The following CD83 variants were observed in gnomAD, a reference collection of about 807,000 sequenced individuals.
The protein encoded by CD83 is CD83 antigen.
A neutral mutation model predicts 24.6 loss-of-function variants in CD83; 22 were observed. The observed-to-expected ratio is 0.90, with a 90% CI of 0.64 to 1.28. The LOEUF (loss-of-function observed/expected upper bound fraction) is 1.28. Among genes scored for constraint, CD83 ranks in the 50% most tolerant of loss-of-function variants. CD83 has a pLI of 0.00. For synonymous variants in CD83, 101 were observed against 103.5 expected, an observed-to-expected ratio of 0.98 and a Z score of 0.14; for missense variants, 253 against 252.8, an observed-to-expected ratio of 1.00 and a Z score of -0.01.
intron 4 of CD83, 111 bp from the exon 5 acceptor site, chr6:14,134,997 G>T: frequency 9.6e-7 from 1 of 1,041,894 alleles, no homozygotes; most frequent in Non-Finnish European, 1.4e-6. Flanking sequence ...GAGTATGAGA[G>T]CTTCCAGAAT....
In CD83 at chr6:14,131,706, G is replaced by T. The variant is rs752909995; in HGVS notation, c.340G>T (p.Gly114Trp). 3.7e-6 allele frequency: 6 copies of T among 1,614,008 alleles called. No individual in the cohort carries two copies. The highest frequency in any genetic ancestry group is 1.7e-5 in the Admixed American group (1 of 60,010). ...CAGGTGCACTCTGCAGGACCCGGAT[G>T]GGCAGAGAAACCTAAGTGGCAAGGT... Reference protein sequence around the residue: ...TYRCTLQDPDGQRNLSGKVIL... With the variant: ...TYRCTLQDPDWQRNLSGKVIL... The change falls in exon 3 of 5, where the codon GGG (glycine) becomes TGG (tryptophan). Residue 114 changes from glycine (G) to tryptophan (W), a missense_variant. Transcript: ENST00000379153.
At position 14,131,574 on chromosome 6, in the gene CD83, G is replaced by T. The variant is rs1757901128; in HGVS notation, c.208G>T (p.Gly70Ter). The T allele has an allele frequency of 1.2e-6, 2 of 1,614,022 alleles. No homozygotes were observed. The highest frequency in any genetic ancestry group is 1.7e-6 in the Non-Finnish European group (2 of 1,180,026). ...GACACCCCAGGAAGACCACCTCAGG[G>T]GACAGCACTATCATCAGAAGGGGCA... ...METPQEDHLR[G>*]QHYHQKGQNG... Residue 70 changes from glycine to a stop codon, truncating the protein, a stop_gained, in exon 3 of 5, where the codon GGA (glycine) becomes TGA (stop). Transcript: ENST00000379153. LOFTEE classifies it high-confidence loss of function.
chr6:14,120,744 C>T lies in CD83; in HGVS notation c.153+2679C>T, dbSNP rs543887361. ...CCTCCGGCACCATGTAGCATCTTGC[C>T]TTTGTCCATTTGGCACTGATACTTG... On this transcript the variant is annotated intron_variant, in intron 2 of 4. Transcript: ENST00000379153. Among the ~76,000 whole-genome samples the T allele has an allele frequency of 5.3e-5, 8 of 152,344 alleles. No homozygotes were observed. The East Asian group carries it at 1.5e-3, about 29-fold the overall frequency.
At chr6:14,120,027 C>T (rs1759634979) in intron 2 of CD83, among the ~76,000 whole-genome samples, 2 of 152,180 alleles carry the variant, frequency 1.3e-5, no homozygotes, top group Non-Finnish European at 2.9e-5. Flanking sequence ...GATTTACCCC[C>T]AAGGTCTTTG....
intron 2 of CD83, among the ~76,000 whole-genome samples, chr6:14,130,739 G>GA (rs1028042269): frequency 2.0e-5 from 3 of 151,896 alleles, no homozygotes; most frequent in Admixed American, 6.6e-5. Context: ...TCTCAAAAAA[G>GA]AAAAAAAGAA....
rs1171715209 is a variant in CD83, at chr6:14,131,713, G to A, written c.347G>A (p.Arg116Lys). Residue 116 changes from arginine to lysine, a missense_variant, in exon 3 of 5, where the codon AGA becomes AAA. Transcript: ENST00000379153. ...ACTCTGCAGGACCCGGATGGGCAGA[G>A]AAACCTAAGTGGCAAGGTGATCTTG... ...RCTLQDPDGQ[R>K]NLSGKVILRV... is the part of the protein sequence containing the mutation. 6 of 1,614,040 alleles carry A rather than the reference G, an allele frequency of 3.7e-6. No individual in the cohort carries two copies. The highest frequency in any genetic ancestry group is 5.1e-6 in the Non-Finnish European group (6 of 1,179,998).
intron 2 of CD83, among the ~76,000 whole-genome samples, chr6:14,127,391 A>C (rs1228110150): frequency 2.0e-5 from 3 of 152,144 alleles, no homozygotes; most frequent in African/African-American, 7.2e-5. Context: ...TCTTAGCTTC[A>C]AATATGGTAA....
Position 14,117,950 on chromosome 6 carries a change from C to A in CD83, c.38C>A (p.Ala13Asp), listed in dbSNP as rs187657576. 2 of 1,607,458 alleles carry A rather than the reference C, an allele frequency of 1.2e-6. No homozygotes were observed. Among genetic ancestry groups the A allele is most frequent in the Middle Eastern group, 1.7e-4 (1 of 6,058 alleles). The change falls in exon 2 of 5, where the codon GCC becomes GAC. Residue 13 changes from alanine to aspartate, a missense_variant and splice_region_variant. Ala to Asp is a moderately radical substitution (Grantham distance 126). Coordinates refer to ENST00000379153, the MANE Select transcript of CD83 (RefSeq NM_004233.4). This position sits in a 1 kb window ranked among gnomAD's most constrained non-coding sequence, Gnocchi z 4.6. ...ACGACGCGCTCTCTCTTTCTTGTAG[C>A]CTACAGCCTGGCTCCCGCGACGCCG... is the stretch of plus-strand genomic sequence containing the variant. ...RGLQLLLLSC[A>D]YSLAPATPEV...
rs1275628793 is a variant in CD83 at position 14,136,708 on chromosome 6, C to G, written c.*1472C>G. ...GTGTTTTTCTGTTTTATATTCAACT[C>G]ATAAGACTTTGGGATAGGAAAAATG... On this transcript the variant is annotated 3_prime_UTR_variant, in exon 5 of 5. Coordinates refer to ENST00000379153, the MANE Select transcript of CD83 (RefSeq NM_004233.4). 6.6e-6 allele frequency: 1 copy of G among 152,106 alleles called. No individual in the cohort carries two copies. Among genetic ancestry groups the G allele is most frequent in the African/African-American group, 2.4e-5 (1 of 41,398 alleles). The allele number at this position is 152,106 out of a possible 1,614,324, so 9.4% of individuals were successfully genotyped here. A position where few individuals can be genotyped will look rare whatever the true frequency, so the allele number is the denominator to read the frequency against.
At chr6:14,125,661 G>T (rs1226700400) in intron 2 of CD83, among the ~76,000 whole-genome samples, 1 of 152,124 alleles carries the variant, frequency 6.6e-6, no homozygotes, top group Non-Finnish European at 1.5e-5. Context: ...GCTTGTAATG[G>T]TACCTCTTCC....
At chr6:14,126,674 A>C (rs1759823291) in intron 2 of CD83, among the ~76,000 whole-genome samples, 1 of 152,236 alleles carries the variant, frequency 6.6e-6, no homozygotes, top group South Asian at 2.1e-4. Flanking sequence ...CATACATTCT[A>C]CCCTCATTAT....
At chr6:14,135,065 T>G in intron 4 of CD83, 43 bp from the exon 5 acceptor site, 1 of 1,607,582 alleles carries the variant, frequency 6.2e-7, no homozygotes, top group Non-Finnish European at 8.5e-7. Flanking sequence ...AACTGCTGAA[T>G]TTTTCCAATT....
chr6:14,124,328 T>C (rs1360025144), intron 2 of CD83, among the ~76,000 whole-genome samples: 1 of 152,240 alleles, frequency 6.6e-6, no homozygotes, highest in Non-Finnish European at 1.5e-5. Flanking sequence ...GGTTACCGAT[T>C]AGAATCGGTA....
chr6:14,127,398 G>A (rs764490229), intron 2 of CD83, among the ~76,000 whole-genome samples: 8 of 151,780 alleles, frequency 5.3e-5, no homozygotes, highest in Admixed American at 2.0e-4. Context: ...TTCAAATATG[G>A]TAATGTAGGA....
chr6:14,136,353 CCTT>C lies in CD83; in HGVS notation c.*1120_*1122del, dbSNP rs1336083672. 1.3e-5 allele frequency: 2 copies of C among 152,204 alleles called. No homozygotes were observed. The highest frequency in any genetic ancestry group is 4.8e-5 in the African/African-American group (2 of 41,438). The allele number at this position is 152,204 out of a possible 1,614,324, so 9.4% of individuals were successfully genotyped here. ...GGTTACCAAGAAGCCTTTCCTGTAG[CCTT>C]CTGTAGGAATTCTTTTGGGGAAGTG... On this transcript the variant is annotated 3_prime_UTR_variant, in exon 5 of 5. Transcript: ENST00000379153.
At chr6:14,126,180 TTCTC>T in intron 2 of CD83, among the ~76,000 whole-genome samples, 1 of 152,328 alleles carries the variant, frequency 6.6e-6, no homozygotes, top group Non-Finnish European at 1.5e-5. Flanking sequence ...TCTTGTAACT[TTCTC>T]ACTCTTTCTA....
chr6:14,119,349 C>T (rs139366961), intron 2 of CD83, among the ~76,000 whole-genome samples: 3 of 152,148 alleles, frequency 2.0e-5, no homozygotes, highest in East Asian at 1.9e-4. Context: ...ACAACAATTC[C>T]GAAATTGTTC....
intron 2 of CD83, among the ~76,000 whole-genome samples, chr6:14,119,630 G>T (rs531947884): frequency 6.6e-6 from 1 of 152,286 alleles, no homozygotes; most frequent in African/African-American, 2.4e-5. Context: ...ATCCTGAGTT[G>T]TTAGAGGTCT....
chr6:14,119,498 C>T (rs1759623259), intron 2 of CD83, among the ~76,000 whole-genome samples: 1 of 152,164 alleles, frequency 6.6e-6, no homozygotes, highest in African/African-American at 2.4e-5. Context: ...GGGATTAGTA[C>T]TGTTACTATT....
Sources: allele counts gnomAD v4.1 joint callset (sites outside exome capture counted in the v4.1 genomes callset), GRCh38; gene constraint gnomAD v4.1.1; non-coding constraint Gnocchi (gnomAD v3.1); transcripts MANE v1.5; gene names NCBI Gene and HGNC (gene_info 2026-07-23, HGNC 2026-07-21).